ARHGAP21: variants seen among roughly 807,000 people sequenced by gnomAD.
The protein encoded by ARHGAP21 is rho GTPase-activating protein 21.
ARHGAP21 carries 38 observed loss-of-function variants against 164.6 expected under a neutral mutation model. The observed-to-expected ratio is 0.23, with a 90% CI of 0.18 to 0.30. The LOEUF is 0.30. ARHGAP21 is among the 10% of genes least tolerant of loss of function. The probability of loss-of-function intolerance (pLI) is 1.00; values close to 1 mark genes in which losing one functional copy is unlikely to be tolerated. For synonymous variants in ARHGAP21, 766 were observed against 857.9 expected (o/e 0.89, Z 1.87); for missense variants, 1,822 against 2,370.7 (o/e 0.77, Z 4.81).
At chr10:24,605,374 G>GCCATCTTTGCAGGAAA (rs2076979962) in intron 11 of ARHGAP21, among the ~76,000 whole-genome samples, 1 of 152,164 alleles carries the variant, frequency 6.6e-6, no homozygotes, top group Non-Finnish European at 1.5e-5. Flanking sequence ...ATACAGTCCT[G>GCCATCTTTGCAGGAAA]CCATCTTTGC....
chr10:24,672,188 T>C (rs1328919396), intron 2 of ARHGAP21, among the ~76,000 whole-genome samples: 1 of 152,198 alleles, frequency 6.6e-6, no homozygotes, highest in African/African-American at 2.4e-5. Flanking sequence ...TTTATCTGCC[T>C]GACTCCCAGA....
rs1023550278 is a variant in ARHGAP21, at chr10:24,596,865, T to C, written c.3352A>G (p.Lys1118Glu). ...CCTTTTCTCCATGTGCCTTTGTCTT[T>C]TGGGGGACTGGTATCATCTTTTGAT... ...LLSKDDTSPP[K>E]DKGTWRKGIP... Residue 1118 changes from lysine to glutamate, a missense_variant, in exon 17 of 26, where the codon AAA becomes GAA. Around this residue, in one of 5 missense-constraint regions of ARHGAP21, gnomAD observed 1,090 missense variants for 1,378.9 expected, o/e 0.79. Coordinates refer to ENST00000396432, the MANE Select transcript of ARHGAP21 (RefSeq NM_020824.4). 31 of 1,609,036 alleles carry C rather than the reference T, an allele frequency of 1.9e-5. No individual in the cohort carries two copies. The highest frequency in any genetic ancestry group is 2.6e-5 in the Non-Finnish European group (31 of 1,178,590).
chr10:24,591,587 G>A (rs2076333919), intron 23 of ARHGAP21, 55 bp downstream of exon 23: 1 of 1,592,266 alleles, frequency 6.3e-7, no homozygotes, highest in East Asian at 2.2e-5. Context: ...GGCGCGCCAG[G>A]ATCTTGTGTC....
intron 17 of ARHGAP21, chr10:24,596,345 AGAG>A (rs761224962): frequency 3.9e-5 from 17 of 431,902 alleles, no homozygotes; most frequent in African/African-American, 2.7e-4. Context: ...AGTCAAGAAA[AGAG>A]GAGGAGAGAG....
intron 2 of ARHGAP21, among the ~76,000 whole-genome samples, chr10:24,678,360 C>T (rs116410844): frequency 1.8e-3 from 281 of 152,234 alleles, no homozygotes; most frequent in African/African-American, 5.8e-3. Flanking sequence ...ACAGAAGTGT[C>T]GCATCCCCAC....
chr10:24,711,703 A>T (rs992940884), intron 2 of ARHGAP21, among the ~76,000 whole-genome samples: 1 of 152,150 alleles, frequency 6.6e-6, no homozygotes, highest in African/African-American at 2.4e-5. Context: ...CCCAAAACAG[A>T]CATGAGAAGA....
chr10:24,684,206 G>C (rs1293196011), intron 2 of ARHGAP21, among the ~76,000 whole-genome samples: 1 of 151,970 alleles, frequency 6.6e-6, no homozygotes, highest in Non-Finnish European at 1.5e-5. Flanking sequence ...AGAATCACTT[G>C]AACAAGGGAG....
Position 24,584,672 on chromosome 10 carries a change from G to A in ARHGAP21, c.5617C>T (p.Pro1873Ser). The change falls in exon 26 of 26, where the codon CCC becomes TCC. Residue 1873 changes from proline (P) to serine (S), a missense_variant. Physicochemically the swap from Pro to Ser is moderately conservative, Grantham distance 74. Around this residue, in one of 5 missense-constraint regions of ARHGAP21, gnomAD observed 165 missense variants for 176.6 expected, o/e 0.93. Transcript: ENST00000396432. ...CGTGTGCTTGGGTTCTCTGTCTGGG[G>A]ATCTCCGATTTCTCCTCTGCTAAGG... Reference protein sequence around the residue: ...SDLSRGEIGDPQTENPSTREI... With the variant: ...SDLSRGEIGDSQTENPSTREI... 9.3e-6 allele frequency: 15 copies of A among 1,613,968 alleles called. No homozygotes were observed. The highest frequency in any genetic ancestry group is 1.3e-5 in the Non-Finnish European group (15 of 1,179,862).
chr10:24,604,041 CA>C (rs2076922979), intron 12 of ARHGAP21, among the ~76,000 whole-genome samples: 1 of 102,134 alleles, frequency 9.8e-6, no homozygotes, highest in Non-Finnish European at 1.9e-5. Flanking sequence ...AGAAAGAGAA[CA>C]GGGGTGGGGT....
At chr10:24,623,840 T>C (rs1338102556) in intron 7 of ARHGAP21, among the ~76,000 whole-genome samples, 1 of 152,240 alleles carries the variant, frequency 6.6e-6, no homozygotes, top group Non-Finnish European at 1.5e-5. Flanking sequence ...GAGGCCATTT[T>C]TTTCCCAGAG....
chr10:24,654,921 G>A (rs1399900912), intron 4 of ARHGAP21, among the ~76,000 whole-genome samples: 1 of 152,148 alleles, frequency 6.6e-6, no homozygotes, highest in African/African-American at 2.4e-5. Flanking sequence ...CCAAAACAGA[G>A]ATATAGATCA....
At chr10:24,668,971 A>G (rs954838313) in intron 3 of ARHGAP21, among the ~76,000 whole-genome samples, 3 of 152,332 alleles carry the variant, frequency 2.0e-5, no homozygotes, top group Admixed American at 6.5e-5. Flanking sequence ...AAGTGCTCTC[A>G]TATGTGACCT....
At chr10:24,663,809 G>A (rs1044726228) in intron 4 of ARHGAP21, among the ~76,000 whole-genome samples, 3 of 152,184 alleles carry the variant, frequency 2.0e-5, no homozygotes, top group Non-Finnish European at 4.4e-5. Flanking sequence ...GGTTACAGGC[G>A]TGAGCCACTG....
chr10:24,642,514 CAAA>C (rs57154901), intron 4 of ARHGAP21, among the ~76,000 whole-genome samples: 2 of 47,904 alleles, frequency 4.2e-5, no homozygotes, highest in Admixed American at 2.1e-4. Flanking sequence ...GACTCCGTCT[CAAA>C]AAAAAAAAAA....
intron 9 of ARHGAP21, among the ~76,000 whole-genome samples, chr10:24,614,515 G>A (rs1704584998): frequency 6.6e-6 from 1 of 152,180 alleles, no homozygotes; most frequent in Non-Finnish European, 1.5e-5. Flanking sequence ...GGTTTTGGGA[G>A]GGCACAGTGG....
intron 2 of ARHGAP21, among the ~76,000 whole-genome samples, chr10:24,696,121 T>C (rs1208631586): frequency 6.6e-6 from 1 of 152,242 alleles, no homozygotes; most frequent in Non-Finnish European, 1.5e-5. Context: ...TTTCCAGGCA[T>C]TGGACATCAG....
rs374502303 is a variant in ARHGAP21 at position 24,612,771 on chromosome 10, C to A, written c.2423-4868G>T. Reference sequence around the variant, plus strand: ...TCGGGAGGCTGAGGCAGGAGAATGGCATGAACCCGGGAGGCAGAGCTTGCA... The same window carrying A: ...TCGGGAGGCTGAGGCAGGAGAATGGAATGAACCCGGGAGGCAGAGCTTGCA... On this transcript the variant is annotated intron_variant, in intron 9 of 25. Transcript: ENST00000396432. 3.3e-5 allele frequency among the ~76,000 whole-genome samples: 5 copies of A among 152,262 alleles called. No homozygotes were observed. The South Asian group carries it at 1.0e-3, about 32-fold the overall frequency.
chr10:24,635,986 C>A (rs1305491295), intron 4 of ARHGAP21, among the ~76,000 whole-genome samples: 1 of 152,126 alleles, frequency 6.6e-6, no homozygotes, highest in African/African-American at 2.4e-5. Context: ...CAATCAGAGA[C>A]AAATACAAAA....
intron 2 of ARHGAP21, among the ~76,000 whole-genome samples, chr10:24,708,420 T>C (rs1844449346): frequency 6.6e-6 from 1 of 152,226 alleles, no homozygotes; most frequent in Non-Finnish European, 1.5e-5. Flanking sequence ...ATCCCATGGC[T>C]CAACTCTATT....
Sources: allele counts gnomAD v4.1 joint callset (sites outside exome capture counted in the v4.1 genomes callset), GRCh38; gene constraint gnomAD v4.1.1; regional missense constraint gnomAD v4.1.1; transcripts MANE v1.5; gene names NCBI Gene and HGNC (gene_info 2026-07-23, HGNC 2026-07-21).